VPS13B: variants seen among roughly 807,000 people sequenced by gnomAD.
The protein encoded by VPS13B is vacuolar protein sorting 13 homolog B, also known as intermembrane lipid transfer protein VPS13B.
A neutral mutation model predicts 426.4 loss-of-function variants in VPS13B; 285 were observed. That is an observed-to-expected ratio of 0.67 (90% CI 0.61 to 0.74). VPS13B has a LOEUF of 0.74. VPS13B is among the 30% of genes least tolerant of loss of function. The pLI is 0.00. For missense variants in VPS13B, 4,537 were observed against 4,782.6 expected (o/e 0.95, Z 1.51); for synonymous variants, 1,676 against 1,676.4 (o/e 1.00, Z 0.01).
chr8:99,658,392 T>C (rs1830097244), intron 34 of VPS13B, among the ~76,000 whole-genome samples: 2 of 152,186 alleles, frequency 1.3e-5, no homozygotes, highest in Admixed American at 6.5e-5. Flanking sequence ...TTCTTTGTAG[T>C]TGAGGAATCC....
intron 31 of VPS13B, among the ~76,000 whole-genome samples, chr8:99,565,484 A>G (rs79800146): frequency 0.061 from 9,260 of 152,098 alleles, 385 homozygotes; most frequent in African/African-American, 0.11. Flanking sequence ...ACTTCTCAGG[A>G]TTGGTAACAT....
chr8:99,269,297 A>C (rs1818456690), intron 17 of VPS13B, among the ~76,000 whole-genome samples: 1 of 152,250 alleles, frequency 6.6e-6, no homozygotes, highest in Non-Finnish European at 1.5e-5. Flanking sequence ...TGTCAATTGC[A>C]GTACCTTAGG....
At chr8:99,414,714 ATTCTT>A (rs1234982249) in intron 21 of VPS13B, among the ~76,000 whole-genome samples, 1 of 152,098 alleles carries the variant, frequency 6.6e-6, no homozygotes, top group African/African-American at 2.4e-5. Context: ...TGGGTTGAAA[ATTCTT>A]TTCTTTGAGA....
intron 5 of VPS13B, among the ~76,000 whole-genome samples, chr8:99,110,164 A>C (rs1446938263): frequency 1.3e-5 from 2 of 152,130 alleles, no homozygotes; most frequent in African/African-American, 4.8e-5. Context: ...AAAACTTATA[A>C]AATAAAATGT....
intron 39 of VPS13B, among the ~76,000 whole-genome samples, chr8:99,766,331 G>A (rs1049800405): frequency 7.2e-5 from 11 of 151,976 alleles, no homozygotes; most frequent in African/African-American, 2.2e-4. Flanking sequence ...TGATCTGCCC[G>A]CCTCGGCCTC....
At chr8:99,489,192 G>A (rs1820463176) in intron 25 of VPS13B, among the ~76,000 whole-genome samples, 1 of 152,128 alleles carries the variant, frequency 6.6e-6, no homozygotes, top group African/African-American at 2.4e-5. Context: ...TCAGATTGTT[G>A]TAGATGTGTG....
At chr8:99,554,298 T>C (rs755450300) in intron 30 of VPS13B, among the ~76,000 whole-genome samples, 2 of 152,146 alleles carry the variant, frequency 1.3e-5, no homozygotes, top group African/African-American at 4.8e-5. Context: ...GTAGAGAGCA[T>C]TGGCTGTTTT....
chr8:99,451,127 A>C (rs2133461304), intron 23 of VPS13B, among the ~76,000 whole-genome samples: 1 of 152,206 alleles, frequency 6.6e-6, no homozygotes, highest in Non-Finnish European at 1.5e-5. Flanking sequence ...AAATGACATA[A>C]ATTTGATTCC....
At chr8:99,601,448 T>C (rs908250021) in intron 33 of VPS13B, among the ~76,000 whole-genome samples, 2 of 152,212 alleles carry the variant, frequency 1.3e-5, no homozygotes, top group African/African-American at 4.8e-5. Flanking sequence ...TGAATAGTGC[T>C]GCAATAAACA....
intron 12 of VPS13B, among the ~76,000 whole-genome samples, chr8:99,138,477 G>A (rs1810206237): frequency 6.6e-6 from 1 of 152,156 alleles, no homozygotes; most frequent in Non-Finnish European, 1.5e-5. Flanking sequence ...TAGTCCTATA[G>A]TTTCTACTGC....
chr8:99,614,439 G>A (rs1184433980), intron 33 of VPS13B, among the ~76,000 whole-genome samples: 2 of 151,848 alleles, frequency 1.3e-5, no homozygotes, highest in African/African-American at 4.8e-5. Context: ...CACCACACCC[G>A]GCTAATTTTG....
At chr8:99,027,964 A>T (rs1051793380) in intron 2 of VPS13B, among the ~76,000 whole-genome samples, 1 of 152,212 alleles carries the variant, frequency 6.6e-6, no homozygotes, top group African/African-American at 2.4e-5. Context: ...CACATCTTGC[A>T]CCGCCCTTAA....
At chr8:99,258,881 T>G (rs1182135409) in intron 17 of VPS13B, among the ~76,000 whole-genome samples, 1 of 152,050 alleles carries the variant, frequency 6.6e-6, no homozygotes, top group African/African-American at 2.4e-5. Context: ...ATACAGCTTT[T>G]TGATGGTAGA....
chr8:99,205,380 G>A (rs553838283), intron 17 of VPS13B, among the ~76,000 whole-genome samples: 23 of 152,270 alleles, frequency 1.5e-4, no homozygotes, highest in African/African-American at 5.5e-4. Context: ...GGGAGGGATA[G>A]CATTAGAAGA....
At chr8:99,724,326 T>C (rs1833245488) in intron 39 of VPS13B, among the ~76,000 whole-genome samples, 1 of 152,142 alleles carries the variant, frequency 6.6e-6, no homozygotes, top group Admixed American at 6.5e-5. Flanking sequence ...TCTAATTTCA[T>C]CTGTTGTCAG....
chr8:99,227,596 AAATAT>A (rs1247104421), intron 17 of VPS13B, among the ~76,000 whole-genome samples: 2 of 152,124 alleles, frequency 1.3e-5, no homozygotes, highest in East Asian at 3.8e-4. Flanking sequence ...TTTTTTTGGA[AAATAT>A]AATTAGTAGA....
At chr8:99,125,928 C>A (rs2050847516) in intron 8 of VPS13B, among the ~76,000 whole-genome samples, 1 of 144,558 alleles carries the variant, frequency 6.9e-6, no homozygotes. Context: ...GAGCTAAAGA[C>A]TTTTTTTTTT....
At chr8:99,156,457 C>T in intron 14 of VPS13B, 92 bp from the exon 15 acceptor site, 1 of 1,251,548 alleles carries the variant, frequency 8.0e-7, no homozygotes, top group Non-Finnish European at 1.2e-6. Flanking sequence ...GATATCACTG[C>T]AAATGTGCAG....
In VPS13B at chr8:99,732,311, A is replaced by G. The variant is rs563252579; in HGVS notation, c.7050+11264A>G. On this transcript the variant is annotated intron_variant, in intron 39 of 61. Transcript: ENST00000357162. ...TGCTGTATGCTACTCTGCCATCCCC[A>G]GCACCCTTTCCTTCATGGTCCAAGA... Among the ~76,000 whole-genome samples the G allele has an allele frequency of 1.3e-3, 192 of 152,286 alleles. 2 individuals carry two copies. Among genetic ancestry groups the G allele is most frequent in the Admixed American group, 3.7e-3 (57 of 15,286 alleles).
Sources: allele counts gnomAD v4.1 joint callset (sites outside exome capture counted in the v4.1 genomes callset), GRCh38; gene constraint gnomAD v4.1.1; transcripts MANE v1.5; gene names NCBI Gene and HGNC (gene_info 2026-07-23, HGNC 2026-07-21).